The following ZPLD1 variants were observed in gnomAD, a reference collection of about 807,000 sequenced individuals.
ZPLD1 encodes the protein zona pellucida-like domain-containing protein 1.
ZPLD1 carries 34 observed loss-of-function variants against 47.2 expected under a neutral mutation model. The observed-to-expected ratio is 0.72, with a 90% CI of 0.55 to 0.96. The LOEUF (loss-of-function observed/expected upper bound fraction) is 0.96, where lower values mean the gene tolerates loss of function less well. Among genes scored for constraint, ZPLD1 ranks in the 40% least tolerant of loss-of-function variants. ZPLD1 has a pLI of 0.00. For synonymous variants in ZPLD1, 176 were observed against 186.2 expected (o/e 0.95, Z 0.45); for missense variants, 512 against 505.8 (o/e 1.01, Z -0.12).
intron 1 of ZPLD1, 106 bp downstream of exon 1, chr3:102,435,260 C>G (rs2107317760): frequency 4.0e-6 from 5 of 1,255,890 alleles, no homozygotes; most frequent in Non-Finnish European, 5.8e-6. Context: ...CCTGCCAAGA[C>G]TATAGAGATT....
chr3:102,456,067 A>T, intron 4 of ZPLD1, 126 bp from the exon 5 acceptor site: 1 of 674,936 alleles, frequency 1.5e-6, no homozygotes, highest in South Asian at 4.1e-5. Context: ...ATATTTCAAA[A>T]CCTTCTCATT....
chr3:102,410,523 T>A (rs912807286), intron 7 of ZPLD1, among the ~76,000 whole-genome samples: 15 of 151,780 alleles, frequency 9.9e-5, no homozygotes, highest in Non-Finnish European at 2.1e-4. Context: ...TGCTAGCTAC[T>A]CTAATATTTA....
At chr3:102,431,354 T>C (rs1287364967), upstream of ZPLD1, among the ~76,000 whole-genome samples, 1 of 152,216 alleles carries the variant, frequency 6.6e-6, no homozygotes, top group Non-Finnish European at 1.5e-5. Flanking sequence ...CCTTCTTTGT[T>C]TGAGGCATTA....
intron 8 of ZPLD1, among the ~76,000 whole-genome samples, chr3:102,420,689 T>G (rs1160613674): frequency 6.6e-6 from 1 of 151,364 alleles, no homozygotes; most frequent in African/African-American, 2.4e-5. Flanking sequence ...GAATTTGGCT[T>G]GCCGGCTGTA....
intron 3 of ZPLD1, among the ~76,000 whole-genome samples, chr3:102,450,012 GA>G (rs1040867110): frequency 5.3e-5 from 8 of 152,092 alleles, no homozygotes; most frequent in Non-Finnish European, 1.2e-4. Context: ...AGTTTATTAA[GA>G]AAAATATACA....
intron 10 of ZPLD1, among the ~76,000 whole-genome samples, chr3:102,475,751 G>A (rs533322115): frequency 4.8e-4 from 73 of 152,138 alleles, no homozygotes; most frequent in Middle Eastern, 6.8e-3. Flanking sequence ...CTATGAATGA[G>A]TGCTGTATTA....
intron 7 of ZPLD1, among the ~76,000 whole-genome samples, chr3:102,396,634 G>A (rs573761200): frequency 1.3e-5 from 2 of 152,114 alleles, no homozygotes; most frequent in African/African-American, 4.8e-5. Flanking sequence ...GGACACTAAG[G>A]CTGGGAGAAG....
At chr3:102,419,830 T>G (rs1485484829) in intron 8 of ZPLD1, among the ~76,000 whole-genome samples, 1 of 151,936 alleles carries the variant, frequency 6.6e-6, no homozygotes, top group Non-Finnish European at 1.5e-5. Context: ...TTTTGTCTCA[T>G]TTAAGTACCT....
chr3:102,423,077 T>G (rs575975511), intron 8 of ZPLD1, among the ~76,000 whole-genome samples: 37 of 152,228 alleles, frequency 2.4e-4, no homozygotes, highest in African/African-American at 8.4e-4. Context: ...GTTTTACTTT[T>G]GGTCCAAAAC....
At chr3:102,430,936 A>G (rs1707008981), upstream of ZPLD1, among the ~76,000 whole-genome samples, 1 of 152,170 alleles carries the variant, frequency 6.6e-6, no homozygotes, top group Non-Finnish European at 1.5e-5. Context: ...TGAAAGGAGG[A>G]AGGAAGTCAA....
At chr3:102,440,270 A>G (rs1446369078) in intron 3 of ZPLD1, among the ~76,000 whole-genome samples, 5 of 152,180 alleles carry the variant, frequency 3.3e-5, no homozygotes, top group African/African-American at 4.8e-5. Context: ...GATAGAATCA[A>G]GTTAGAATAG....
chr3:102,478,528 A>G lies in ZPLD1; in HGVS notation c.*910A>G, dbSNP rs1245956775. 1 of 75,030 alleles carries G rather than the reference A, an allele frequency of 1.3e-5. No homozygotes were observed. The highest frequency in any genetic ancestry group is 3.6e-5 in the Non-Finnish European group (1 of 27,418). 4.6% of individuals were successfully genotyped at this position (75,030 alleles called of 1,614,324 possible). A position where few individuals can be genotyped will look rare whatever the true frequency, so the allele number is the denominator to read the frequency against. On this transcript the variant is annotated 3_prime_UTR_variant, in exon 12 of 12. Coordinates refer to ENST00000466937, the MANE Select transcript of ZPLD1 (RefSeq NM_001329788.2). Reference sequence around the variant, plus strand: ...CAATTTAGATTCCCTTTTTCCTAAAACAAAAAGGAAACTTAGGTTAAGTGT... The same window carrying G: ...CAATTTAGATTCCCTTTTTCCTAAAGCAAAAAGGAAACTTAGGTTAAGTGT...
chr3:102,421,081 A>G (rs1252126723), intron 8 of ZPLD1, among the ~76,000 whole-genome samples: 2 of 152,032 alleles, frequency 1.3e-5, no homozygotes, highest in East Asian at 1.9e-4. Flanking sequence ...CTAACATTGT[A>G]AGTTCTTGAA....
rs763708915 is a variant in ZPLD1 at position 102,470,471 on chromosome 3, G to T, written c.1011G>T (p.Val337=). ...WSPQSSSGSA[V]LSAGPIITRS... ...CCCAGAGCTCTTCTGGCAGCGCGGT[G>T]CTCTCTGCTGGTCCCATCATTACTC... The change falls in exon 10 of 12, where the codon GTG becomes GTT. Residue 337 remains valine (V), a synonymous_variant. Transcript: ENST00000466937. 1.2e-6 allele frequency: 2 copies of T among 1,613,986 alleles called. No individual in the cohort carries two copies. Among genetic ancestry groups the T allele is most frequent in the Non-Finnish European group, 1.7e-6 (2 of 1,179,968 alleles).
Position 102,417,384 on chromosome 3 carries a change from G to A in ZPLD1, c.-156-676G>A, listed in dbSNP as rs371756663. Among the ~76,000 whole-genome samples, 4 of 152,004 alleles carry A rather than the reference G, an allele frequency of 2.6e-5. No homozygotes were observed. In the East Asian group the frequency reaches 5.8e-4, roughly 22 times the overall value. ...AAGTGTTCGCTGTGGTGCCTGTGTC[G>A]CAGGTTCCCACTCTTCTTTCCAAAG... On this transcript the variant is annotated intron_variant, in intron 7 of 17. Coordinates refer to the ZPLD1 transcript ENST00000491959.
chr3:102,445,787 T>C (rs1160631673), intron 3 of ZPLD1, among the ~76,000 whole-genome samples: 2 of 152,212 alleles, frequency 1.3e-5, no homozygotes, highest in Non-Finnish European at 1.5e-5. Flanking sequence ...TTAATAGTAA[T>C]AGGTATCAAC....
At chr3:102,405,310 A>G (rs1370678537) in intron 7 of ZPLD1, among the ~76,000 whole-genome samples, 1 of 151,990 alleles carries the variant, frequency 6.6e-6, no homozygotes, top group Non-Finnish European at 1.5e-5. Flanking sequence ...ATTTTGAGTT[A>G]CCTTGCCCTA....
rs377311995 is a variant in ZPLD1, at chr3:102,469,110, C to A, written c.908C>A (p.Ala303Glu). Reference protein sequence around the residue: ...FLHCVTKLCRADDCPFLMPIC... With the variant: ...FLHCVTKLCREDDCPFLMPIC... Reference sequence around the variant, plus strand: ...CACTGCGTTACCAAGCTCTGCAGAGCAGATGACTGCCCCTTCCTTATGCCG... The same window carrying A: ...CACTGCGTTACCAAGCTCTGCAGAGAAGATGACTGCCCCTTCCTTATGCCG... Residue 303 changes from alanine (A) to glutamate (E), a missense_variant, in exon 9 of 12, where the codon GCA (alanine) becomes GAA (glutamate). Transcript: ENST00000466937. 2 of 1,613,260 alleles carry A rather than the reference C, an allele frequency of 1.2e-6. No homozygotes were observed. The highest frequency in any genetic ancestry group is 1.7e-6 in the Non-Finnish European group (2 of 1,179,772).
upstream of ZPLD1, among the ~76,000 whole-genome samples, chr3:102,433,441 A>G (rs540528318): frequency 1.3e-5 from 2 of 152,364 alleles, no homozygotes; most frequent in Non-Finnish European, 2.9e-5. Flanking sequence ...GAAAACACAT[A>G]TAAAAGTATT....
Sources: allele counts gnomAD v4.1 joint callset (sites outside exome capture counted in the v4.1 genomes callset), GRCh38; gene constraint gnomAD v4.1.1; transcripts MANE v1.5; gene names NCBI Gene and HGNC (gene_info 2026-07-23, HGNC 2026-07-21).